Variants in RBM42 observed in about 807,000 individuals in gnomAD.
RBM42 encodes the protein RNA binding motif protein 42.
In RBM42, 21 loss-of-function variants were observed where a neutral mutation model predicts 41.4. That is an observed-to-expected ratio of 0.51 (90% CI 0.36 to 0.73). The LOEUF is 0.73. RBM42 is among the 30% of genes least tolerant of loss of function. RBM42 has a pLI of 0.00. For synonymous variants in RBM42, 272 were observed against 271.2 expected (o/e 1.00, Z -0.03); for missense variants, 539 against 680.4 (o/e 0.79, Z 2.31).
In RBM42 at chr19:35,633,072, G is replaced by A; in HGVS notation, c.509-5G>A. 1 of 1,612,856 alleles carries A rather than the reference G, an allele frequency of 6.2e-7. No homozygotes were observed. Among genetic ancestry groups the A allele is most frequent in the Non-Finnish European group, 8.5e-7 (1 of 1,178,860 alleles). On this transcript the variant is annotated splice_region_variant and splice_polypyrimidine_tract_variant and intron_variant, in intron 5 of 9. Transcript: ENST00000262633. ...CCCTGGAACTCCCCACTAACACCCT[G>A]ACAGATTCCGCTCTCTCCTCTGCAG... is the stretch of plus-strand genomic sequence containing the variant.
At chr19:35,636,085 C>T (rs1032680644) in intron 8 of RBM42, among the ~76,000 whole-genome samples, 1 of 152,058 alleles carries the variant, frequency 6.6e-6, no homozygotes, top group Non-Finnish European at 1.5e-5. Flanking sequence ...CTACCTGGCC[C>T]AGAGAAGACC....
At chr19:35,636,302 G>A (rs1296146137) in intron 8 of RBM42, among the ~76,000 whole-genome samples, 1 of 151,974 alleles carries the variant, frequency 6.6e-6, no homozygotes, top group East Asian at 1.9e-4. Flanking sequence ...GGGATTACAG[G>A]CACCCACCAC....
In RBM42 at chr19:35,637,510, G is replaced by A; in HGVS notation, c.1399G>A (p.Val467Ile). The stretch of plus-strand genomic sequence containing the variant: ...GTGGAAGGACCGGAATCTGGACGTG[G>A]TCCGCAAGAAGCAGAAGGAAAAGAA... ...SMWKDRNLDV[V>I]RKKQKEKKKL... Residue 467 changes from valine to isoleucine, a missense_variant, in exon 10 of 10, where the codon GTC (valine) becomes ATC (isoleucine). This residue lies in a region of RBM42 where 110 missense variants were observed against 191.5 expected (regional missense o/e 0.57). Transcript: ENST00000262633. This position sits in a 1 kb window ranked among gnomAD's most constrained non-coding sequence, Gnocchi z 7.0. 6.2e-7 allele frequency: 1 copy of A among 1,614,268 alleles called. No individual in the cohort carries two copies. The highest frequency in any genetic ancestry group is 8.5e-7 in the Non-Finnish European group (1 of 1,180,054).
In RBM42 at chr19:35,632,976, C is replaced by G. The variant is rs142561554; in HGVS notation, c.483C>G (p.Phe161Leu). 5 of 1,609,398 alleles carry G rather than the reference C, an allele frequency of 3.1e-6. No homozygotes were observed. The highest frequency in any genetic ancestry group is 4.3e-6 in the Non-Finnish European group (5 of 1,176,174). ...GGGCCCCTATCCTGCGTCCAGCCTT[C>G]GTCCCCCACGTGCTACAGAGAGCAG... The part of the protein sequence containing the change: ...PQRAPILRPA[F>L]VPHVLQRADS... The change falls in exon 5 of 10, where the codon TTC (phenylalanine) becomes TTG (leucine). Residue 161 changes from phenylalanine to leucine, a missense_variant. Coordinates refer to ENST00000262633, the MANE Select transcript of RBM42 (RefSeq NM_024321.5).
rs1967518407 is a variant in RBM42, at chr19:35,637,496, G to A, written c.1385G>A (p.Arg462Gln). The change falls in exon 10 of 10, where the codon CGG (arginine) becomes CAG (glutamine). Residue 462 changes from arginine to glutamine, a missense_variant. Physicochemically the swap from Arg to Gln is conservative, Grantham distance 43. Coordinates refer to ENST00000262633, the MANE Select transcript of RBM42 (RefSeq NM_024321.5). This position sits in a 1 kb window ranked among gnomAD's most constrained non-coding sequence, Gnocchi z 7.0. ...CTTCGCAAGAGCATGTGGAAGGACC[G>A]GAATCTGGACGTGGTCCGCAAGAAG... ...IKLRKSMWKD[R>Q]NLDVVRKKQK... 4 of 1,614,260 alleles carry A rather than the reference G, an allele frequency of 2.5e-6. No individual in the cohort carries two copies. The highest frequency in any genetic ancestry group is 4.5e-5 in the East Asian group (2 of 44,888).
chr19:35,634,993 A>C lies in RBM42; in HGVS notation c.1135+620A>C, dbSNP rs539969110. On this transcript the variant is annotated intron_variant, in intron 8 of 9. Transcript: ENST00000262633. The stretch of plus-strand genomic sequence containing the variant: ...AGTTATAAGTGAATTAATCACTTCT[A>C]AATATCTCAGTATTTATCTCCTAAG... Among the ~76,000 whole-genome samples, 132 of 152,210 alleles carry C rather than the reference A, an allele frequency of 8.7e-4. 1 individual carries two copies. Among genetic ancestry groups the C allele is most frequent in the Non-Finnish European group, 1.7e-3 (116 of 68,000 alleles).
In RBM42 at chr19:35,633,112, C is replaced by A. The variant is rs763011011; in HGVS notation, c.544C>A (p.Pro182Thr). The A allele has an allele frequency of 6.2e-7, 1 of 1,611,022 alleles. No homozygotes were observed. The highest frequency in any genetic ancestry group is 2.2e-5 in the East Asian group (1 of 44,830). Reference protein sequence around the residue: ...ALSSAAAGPRPMALRPPHQAL... With the variant: ...ALSSAAAGPRTMALRPPHQAL... ...CTCCTCTGCAGCAGCCGGCCCCCGC[C>A]CTATGGCCCTACGGCCCCCTCACCA... Residue 182 changes from proline (P) to threonine (T), a missense_variant, in exon 6 of 10, where the codon CCT (proline) becomes ACT (threonine). Around this residue, in one of 2 missense-constraint regions of RBM42, gnomAD observed 429 missense variants for 488.9 expected, o/e 0.88. Coordinates refer to ENST00000262633, the MANE Select transcript of RBM42 (RefSeq NM_024321.5).
At chr19:35,630,181 G>A (rs1357839852) in intron 2 of RBM42, among the ~76,000 whole-genome samples, 1 of 152,036 alleles carries the variant, frequency 6.6e-6, no homozygotes, top group Non-Finnish European at 1.5e-5. Flanking sequence ...GGGTGTGGTG[G>A]CACGTGCCTG....
In RBM42 at chr19:35,629,611, G is replaced by A. The variant is rs1203559748; in HGVS notation, c.220G>A (p.Ala74Thr). 1.2e-6 allele frequency: 2 copies of A among 1,614,094 alleles called. No individual in the cohort carries two copies. Among genetic ancestry groups the A allele is most frequent in the Non-Finnish European group, 1.7e-6 (2 of 1,180,054 alleles). ...TGTCCCCACGGTCCCCACAGTAGAA[G>A]CGATGCAGGTCCCAGCGGCTCCTGT... Reference protein sequence around the residue: ...PTVPTVPTVEAMQVPAAPVIR... With the variant: ...PTVPTVPTVETMQVPAAPVIR... The change falls in exon 2 of 10, where the codon GCG (alanine) becomes ACG (threonine). Residue 74 changes from alanine (A) to threonine (T), a missense_variant. Transcript: ENST00000262633.
At position 35,634,018 on chromosome 19, in the gene RBM42, A is replaced by G; in HGVS notation, c.1016A>G (p.Glu339Gly). The G allele has an allele frequency of 6.7e-7, 1 of 1,499,624 alleles. No individual in the cohort carries two copies. Among genetic ancestry groups the G allele is most frequent in the Non-Finnish European group, 8.8e-7 (1 of 1,130,128 alleles). The allele number at this position is 1,499,624 out of a possible 1,614,324, so 92.9% of individuals were successfully genotyped here. A position where few individuals can be genotyped will look rare whatever the true frequency, so the allele number is the denominator to read the frequency against. ...PEPPPGLMAL[E>G]VPEPLGEDKK... is the part of the protein sequence containing the mutation. ...CCACCCCCAGGCCTCATGGCTCTTG[A>G]GGTAAGCAGGGAGCCTAGCGGTGAA... The change falls in exon 7 of 10, where the codon GAG (glutamate) becomes GGG (glycine). Residue 339 changes from glutamate to glycine, a missense_variant and splice_region_variant. Physicochemically the swap from Glu to Gly is moderately conservative, Grantham distance 98. This residue lies in a region of RBM42 where 429 missense variants were observed against 488.9 expected (regional missense o/e 0.88). Transcript: ENST00000262633.
At chr19:35,636,405 C>T (rs1967499420) in intron 8 of RBM42, among the ~76,000 whole-genome samples, 1 of 152,186 alleles carries the variant, frequency 6.6e-6, no homozygotes, top group African/African-American at 2.4e-5. Context: ...AGTCATCCAC[C>T]TGCCTCAGCC....
chr19:35,634,428 G>A, intron 8 of RBM42, 55 bp downstream of exon 8: 1 of 1,310,260 alleles, frequency 7.6e-7, no homozygotes, highest in Non-Finnish European at 1.1e-6. Context: ...AGACCAGGCT[G>A]CTGTCCTTGG....
intron 2 of RBM42, 87 bp downstream of exon 2, chr19:35,629,760 G>T: frequency 6.9e-7 from 1 of 1,446,438 alleles, no homozygotes; most frequent in East Asian, 2.3e-5. Context: ...TTGACGTTTT[G>T]GCTTGTTGAC....
chr19:35,633,622 A>G, intron 6 of RBM42, 65 bp from the exon 7 acceptor site: 2 of 1,358,468 alleles, frequency 1.5e-6, no homozygotes, highest in African/African-American at 1.5e-5. Flanking sequence ...GTTGGATGGA[A>G]TGGAGATGAC....
At chr19:35,631,259 A>G (rs776642695) in intron 3 of RBM42, 35 bp downstream of exon 3, 1 of 1,612,874 alleles carries the variant, frequency 6.2e-7, no homozygotes, top group Non-Finnish European at 8.5e-7. Flanking sequence ...GGGGTTGGGC[A>G]ATCAGGCAGG....
rs772418206 is a variant in RBM42 at position 35,633,947 on chromosome 19, T to A, written c.945T>A (p.Pro315=). The part of the protein sequence containing the change: ...VRGLLPPLRI[P]ELLSLRPRPR... ...GCCTCCTGCCCCCGCTGCGCATTCCTGAACTCCTGTCCCTGCGTCCTCGGC... is the reference window on the plus strand; with the variant it reads ...GCCTCCTGCCCCCGCTGCGCATTCCAGAACTCCTGTCCCTGCGTCCTCGGC... Residue 315 remains proline (P), a synonymous_variant, in exon 7 of 10, where the codon CCT becomes CCA. Transcript: ENST00000262633. The A allele has an allele frequency of 1.9e-6, 3 of 1,573,278 alleles. No individual in the cohort carries two copies. The South Asian group carries it at 3.5e-5, about 18-fold the overall frequency.
chr19:35,631,242 A>C lies in RBM42; in HGVS notation c.367+18A>C, dbSNP rs749133093. On this transcript the variant is annotated intron_variant, in intron 3 of 9. Transcript: ENST00000262633. ...AGGCCCTGGTAAGTAAAGAGTAGCA[A>C]GGTGAGGGGGTTGGGCAATCAGGCA... is the stretch of plus-strand genomic sequence containing the variant. 6.2e-7 allele frequency: 1 copy of C among 1,613,538 alleles called. No individual in the cohort carries two copies. The highest frequency in any genetic ancestry group is 2.2e-5 in the East Asian group (1 of 44,878).
chr19:35,629,593 A>G lies in RBM42; in HGVS notation c.202A>G (p.Thr68Ala), dbSNP rs1332838435. 6.8e-6 allele frequency: 11 copies of G among 1,614,194 alleles called. No homozygotes were observed. Among genetic ancestry groups the G allele is most frequent in the Non-Finnish European group, 8.5e-6 (10 of 1,180,022 alleles). The part of the protein sequence containing the change: ...TAVPAVPTVP[T>A]VPTVEAMQVP... ...TGTGCCTGCGGTGCCCACTGTCCCCACGGTCCCCACAGTAGAAGCGATGCA... is the reference window on the plus strand; with the variant it reads ...TGTGCCTGCGGTGCCCACTGTCCCCGCGGTCCCCACAGTAGAAGCGATGCA... Residue 68 changes from threonine to alanine, a missense_variant, in exon 2 of 10, where the codon ACG becomes GCG. Physicochemically the swap from Thr to Ala is moderately conservative, Grantham distance 58. Coordinates refer to ENST00000262633, the MANE Select transcript of RBM42 (RefSeq NM_024321.5).
In RBM42 at chr19:35,637,657, C is replaced by A; in HGVS notation, c.*103C>A. The A allele has an allele frequency of 1.2e-6, 1 of 865,468 alleles. No individual in the cohort carries two copies. The highest frequency in any genetic ancestry group is 1.8e-6 in the Non-Finnish European group (1 of 551,088). 53.6% of individuals were successfully genotyped at this position (865,468 alleles called of 1,614,324 possible). ...GTCCACCCATCCCCTGCCCCAAAAC[C>A]AGTTTCAATAAATTTACGTTCATTT... is the stretch of plus-strand genomic sequence containing the variant. On this transcript the variant is annotated 3_prime_UTR_variant, in exon 10 of 10. Transcript: ENST00000262633. This position sits in a 1 kb window ranked among gnomAD's most constrained non-coding sequence, Gnocchi z 7.0.
Sources: gnomAD v4.1 joint callset for allele counts (sites outside exome capture counted in the v4.1 genomes callset) on GRCh38, gnomAD v4.1.1 for gene constraint, gnomAD v4.1.1 regional missense constraint, Gnocchi (gnomAD v3.1) non-coding constraint, MANE v1.5 for transcripts, NCBI Gene and HGNC (gene_info 2026-07-23, HGNC 2026-07-21) for gene names.